The following SCART1 variants were observed in gnomAD, a reference collection of about 807,000 sequenced individuals.
SCART1 encodes scavenger receptor family member expressed on T cells 1.
A neutral mutation model predicts 36.2 loss-of-function variants in SCART1; 62 were observed. The observed-to-expected ratio is 1.71, with a 90% confidence interval of 1.40 to 2.12. The LOEUF (loss-of-function observed/expected upper bound fraction) is 2.12. SCART1 is among the 30% of genes most tolerant of loss of function. The pLI is 0.00. For synonymous variants in SCART1, 487 were observed against 238.7 expected (o/e 2.04, Z -9.59); for missense variants, 1,041 against 540.5 (o/e 1.93, Z -9.18).
downstream of SCART1, among the ~76,000 whole-genome samples, chr10:133,469,447 C>T (rs1850794913): frequency 6.6e-6 from 1 of 152,110 alleles, no homozygotes; most frequent in African/African-American, 2.4e-5. Flanking sequence ...TTTGCAGGGA[C>T]GTGGATGAAG....
At chr10:133,460,496 A>ATATATATATATATATTTTTTT in intron 6 of SCART1, among the ~76,000 whole-genome samples, 2 of 136,016 alleles carry the variant, frequency 1.5e-5, no homozygotes, top group South Asian at 2.7e-4. Flanking sequence ...ATATTTATAT[A>ATATATATATATATATTTTTTT]TTTTAAAAAA....
chr10:133,462,409 T>A (rs1850712797), intron 6 of SCART1, among the ~76,000 whole-genome samples: 1 of 152,224 alleles, frequency 6.6e-6, no homozygotes, highest in South Asian at 2.1e-4. Flanking sequence ...AATACTATAT[T>A]GCTAATATCT....
rs114558588 is a variant in SCART1 at position 133,467,015 on chromosome 10, G to T, written c.2807-183G>T. On this transcript the variant is annotated intron_variant, in intron 10 of 11. Coordinates refer to ENST00000640237, the Ensembl canonical transcript of SCART1. Reference sequence around the variant, plus strand: ...ATCATGTGGTTTGCTGGCAAGGGACGGTGGCCAGGGATGGGAGGGCACTGG... The same window carrying T: ...ATCATGTGGTTTGCTGGCAAGGGACTGTGGCCAGGGATGGGAGGGCACTGG... 1.6e-3 allele frequency: 800 copies of T among 514,340 alleles called. 7 individuals carry two copies. Among genetic ancestry groups the T allele is most frequent in the African/African-American group, 0.015 (748 of 51,536 alleles). 31.9% of individuals were successfully genotyped at this position (514,340 alleles called of 1,614,324 possible). A position where few individuals can be genotyped will look rare whatever the true frequency, so the allele number is the denominator to read the frequency against.
intron 6 of SCART1, among the ~76,000 whole-genome samples, chr10:133,460,501 A>AT (rs1564834625): frequency 7.8e-5 from 11 of 140,308 alleles, no homozygotes; most frequent in South Asian, 2.4e-4. Context: ...TATATATTTT[A>AT]AAAAATATTT....
At chr10:133,462,592 G>A (rs531551089) in intron 6 of SCART1, among the ~76,000 whole-genome samples, 1 of 152,336 alleles carries the variant, frequency 6.6e-6, no homozygotes, top group East Asian at 1.9e-4. Context: ...CAGCAGCAAG[G>A]TGTGTGGCTC....
At chr10:133,468,523 G>A (rs926536925) in exon 12 of SCART1, 1 of 152,218 alleles carries the variant, frequency 6.6e-6, no homozygotes, top group African/African-American at 2.4e-5. Context: ...GTTGAAGAGA[G>A]GCAGCCAGTG....
chr10:133,460,862 C>A lies in SCART1; in HGVS notation c.1969+692C>A, dbSNP rs1367605549. 7.9e-5 allele frequency among the ~76,000 whole-genome samples: 12 copies of A among 151,988 alleles called. No homozygotes were observed. In the South Asian group the frequency reaches 1.5e-3, roughly 18 times the overall value. Reference sequence around the variant, plus strand: ...CAAACCATCCTCCTGCCTCAGCCTCCCAAGTAGCTGGGACTACGGGCATGT... The same window carrying A: ...CAAACCATCCTCCTGCCTCAGCCTCACAAGTAGCTGGGACTACGGGCATGT... On this transcript the variant is annotated intron_variant, in intron 6 of 11. Coordinates refer to ENST00000640237, the Ensembl canonical transcript of SCART1.
At chr10:133,458,250 C>T (rs1589934111) in intron 3 of SCART1, 110 bp from the exon 4 acceptor site, 1 of 701,126 alleles carries the variant, frequency 1.4e-6, no homozygotes, top group Non-Finnish European at 2.6e-6. Flanking sequence ...GACCCTCTGC[C>T]TAGATGCAGG....
At chr10:133,458,923 G>A in intron 4 of SCART1, 98 bp from the exon 5 acceptor site, 1 of 624,054 alleles carries the variant, frequency 1.6e-6, no homozygotes, top group South Asian at 1.9e-5. Context: ...GCTGGGCTCT[G>A]TGCCCATCCC....
Position 133,466,335 on chromosome 10 carries a change from CA to C in SCART1, c.2761del (p.Met921TrpfsTer4). ...TTCTTGGTCTTCTCCTTCTGGGCCT[CA>C]TGGCTTTTCTGATTCTGCCTCGAGT... On this transcript the variant is annotated frameshift_variant, in exon 10 of 12. Transcript: ENST00000640237. LOFTEE classifies it high-confidence loss of function. The C allele has an allele frequency of 1.4e-6, 1 of 703,064 alleles. No individual in the cohort carries two copies. Among genetic ancestry groups the C allele is most frequent in the East Asian group, 2.7e-5 (1 of 37,282 alleles). The allele number at this position is 703,064 out of a possible 1,614,324, so 43.6% of individuals were successfully genotyped here. A position where few individuals can be genotyped will look rare whatever the true frequency, so the allele number is the denominator to read the frequency against.
At chr10:133,458,798 G>A in intron 4 of SCART1, 142 bp downstream of exon 4, 2 of 671,040 alleles carry the variant, frequency 3.0e-6, no homozygotes, top group Admixed American at 2.6e-5. Context: ...GCGCAGGGAA[G>A]AGACTGGGTG....
chr10:133,467,234 T>G, exon 11 of SCART1: 1 of 702,694 alleles, frequency 1.4e-6, no homozygotes, highest in Non-Finnish European at 2.6e-6. Context: ...GGAGAAGCCA[T>G]CTATGATGTC....
At chr10:133,460,004 C>A in exon 6 of SCART1, 1 of 531,176 alleles carries the variant, frequency 1.9e-6, no homozygotes, top group Non-Finnish European at 3.3e-6. Flanking sequence ...GCTGTGGCCG[C>A]GCCCTGAGCG....
exon 6 of SCART1, chr10:133,459,742 A>G (rs1053103574): frequency 7.2e-6 from 5 of 698,374 alleles, no homozygotes; most frequent in Admixed American, 4.0e-5. Flanking sequence ...ACTCAGTGCA[A>G]CGTGTCCGCG....
intron 11 of SCART1, 37 bp downstream of exon 11, chr10:133,467,390 G>T (rs1467130068): frequency 1.5e-6 from 1 of 680,274 alleles, no homozygotes; most frequent in Non-Finnish European, 2.7e-6. Context: ...GAGCTCTGGG[G>T]TGGGCTACGG....
At chr10:133,458,724 C>T in intron 4 of SCART1, 68 bp downstream of exon 4, 1 of 688,354 alleles carries the variant, frequency 1.5e-6, no homozygotes, top group Non-Finnish European at 2.6e-6. Flanking sequence ...CCTTCGTGCC[C>T]TAAAGGTGCC....
chr10:133,469,744 T>A (rs1850797870), downstream of SCART1, among the ~76,000 whole-genome samples: 1 of 152,118 alleles, frequency 6.6e-6, no homozygotes, highest in Non-Finnish European at 1.5e-5. Context: ...AAGAATAATT[T>A]AAAAAAATTT....
chr10:133,457,635 G>A (rs1257985573), intron 3 of SCART1, 60 bp downstream of exon 3: 1 of 609,006 alleles, frequency 1.6e-6, no homozygotes, highest in Non-Finnish European at 2.9e-6. Flanking sequence ...CCGGACCTGG[G>A]GAGGGCAGGG....
intron 6 of SCART1, among the ~76,000 whole-genome samples, chr10:133,464,048 A>G (rs1850734129): frequency 6.6e-6 from 1 of 151,924 alleles, no homozygotes; most frequent in African/African-American, 2.4e-5. Context: ...TTAAGCTTCC[A>G]TTTATGAGTG....
Sources: allele counts gnomAD v4.1 joint callset (sites outside exome capture counted in the v4.1 genomes callset), GRCh38; gene constraint gnomAD v4.1.1; transcripts MANE v1.5; gene names NCBI Gene and HGNC (gene_info 2026-07-23, HGNC 2026-07-21).